EYS: variants seen among roughly 807,000 people sequenced by gnomAD.
EYS encodes the protein EGF-like photoreceptor maintenance factor.
A neutral mutation model predicts 282.1 loss-of-function variants in EYS; 250 were observed. That is an observed-to-expected ratio of 0.89 (90% CI 0.80 to 0.98). The LOEUF (loss-of-function observed/expected upper bound fraction) is 0.98. Ranked by LOEUF, EYS falls within the 50% of genes least tolerant of loss-of-function variation. EYS has a pLI of 0.00. For missense variants in EYS, 4,016 were observed against 3,709.0 expected, an observed-to-expected ratio of 1.08 and a Z score of -2.15; for synonymous variants, 1,355 against 1,282.9, an observed-to-expected ratio of 1.06 and a Z score of -1.20.
intron 24 of EYS, among the ~76,000 whole-genome samples, chr6:64,599,464 C>T (rs1486991554): frequency 6.6e-6 from 1 of 151,830 alleles, no homozygotes; most frequent in African/African-American, 2.4e-5. Flanking sequence ...GTATTCCTAT[C>T]AATAAAATAG....
chr6:64,609,641 T>G (rs1056165917), intron 24 of EYS, among the ~76,000 whole-genome samples: 3 of 152,140 alleles, frequency 2.0e-5, no homozygotes, highest in African/African-American at 7.2e-5. Flanking sequence ...CCCAGCATTT[T>G]GGGAGGCTGA....
intron 41 of EYS, chr6:63,744,954 C>T (rs753160284): frequency 2.4e-5 from 10 of 423,262 alleles, no homozygotes; most frequent in Non-Finnish European, 4.2e-5. Flanking sequence ...ACCTCATCTC[C>T]ATCATGAAAA....
At chr6:65,503,852 T>G (rs552199648) in intron 2 of EYS, among the ~76,000 whole-genome samples, 1 of 151,840 alleles carries the variant, frequency 6.6e-6, no homozygotes, top group South Asian at 2.1e-4. Flanking sequence ...CTACCTTGAT[T>G]ATTGTTGCTT....
chr6:64,346,065 A>C (rs988687818), intron 29 of EYS, among the ~76,000 whole-genome samples: 8 of 152,046 alleles, frequency 5.3e-5, no homozygotes, highest in Non-Finnish European at 1.5e-5. Flanking sequence ...GGTGCTGGAG[A>C]GGATGTGGAG....
At chr6:64,041,916 G>T (rs1219562169) in intron 33 of EYS, among the ~76,000 whole-genome samples, 1 of 152,026 alleles carries the variant, frequency 6.6e-6, no homozygotes, top group Non-Finnish European at 1.5e-5. Flanking sequence ...AGCATTTTAG[G>T]TTCTTTTCAC....
At chr6:65,149,475 T>C (rs1289133943) in intron 12 of EYS, among the ~76,000 whole-genome samples, 2 of 152,106 alleles carry the variant, frequency 1.3e-5, no homozygotes, top group African/African-American at 2.4e-5. Flanking sequence ...CCATTCAACA[T>C]GTCTCTAGGA....
chr6:64,108,527 T>TTTTTTTTA (rs1773105032), intron 31 of EYS, among the ~76,000 whole-genome samples: 1 of 137,016 alleles, frequency 7.3e-6, no homozygotes, highest in African/African-American at 2.9e-5. Context: ...TTTTTTTTTT[T>TTTTTTTTA]GAGAAGATAG....
At chr6:64,586,791 A>T (rs1766247742) in intron 26 of EYS, among the ~76,000 whole-genome samples, 1 of 152,100 alleles carries the variant, frequency 6.6e-6, no homozygotes, top group South Asian at 2.1e-4. Flanking sequence ...TAAAAGTGGA[A>T]TAAACATAAC....
chr6:63,754,676 G>C (rs1379515520), intron 41 of EYS, among the ~76,000 whole-genome samples: 1 of 152,130 alleles, frequency 6.6e-6, no homozygotes, highest in Non-Finnish European at 1.5e-5. Context: ...CTTTATAGTA[G>C]CATGATTTAT....
At chr6:65,095,498 C>G (rs1774713663) in intron 12 of EYS, among the ~76,000 whole-genome samples, 1 of 150,388 alleles carries the variant, frequency 6.6e-6, no homozygotes, top group Admixed American at 6.6e-5. Context: ...TGTGATTTAG[C>G]CATTCTACCA....
At chr6:64,238,189 G>A (rs1328007700) in intron 30 of EYS, among the ~76,000 whole-genome samples, 1 of 152,094 alleles carries the variant, frequency 6.6e-6, no homozygotes, top group African/African-American at 2.4e-5. Flanking sequence ...CTATTACACA[G>A]TCACAAATAG....
At chr6:64,429,613 G>A (rs889612220) in intron 28 of EYS, among the ~76,000 whole-genome samples, 17 of 152,076 alleles carry the variant, frequency 1.1e-4, no homozygotes, top group African/African-American at 4.1e-4. Context: ...CCTGGGTGAT[G>A]GAGCAGGATT....
chr6:63,888,512 C>A (rs757508000), intron 35 of EYS, among the ~76,000 whole-genome samples: 1 of 152,188 alleles, frequency 6.6e-6, no homozygotes, highest in Non-Finnish European at 1.5e-5. Flanking sequence ...CTGGAGTGGA[C>A]CCCCAGCAAA....
At chr6:64,689,265 G>T (rs1340528109) in intron 22 of EYS, among the ~76,000 whole-genome samples, 1 of 152,050 alleles carries the variant, frequency 6.6e-6, no homozygotes, top group Non-Finnish European at 1.5e-5. Flanking sequence ...AACTTGCAAG[G>T]GATGTGAAGG....
chr6:65,055,484 G>T (rs1366389360), intron 13 of EYS, among the ~76,000 whole-genome samples: 1 of 151,966 alleles, frequency 6.6e-6, no homozygotes, highest in Non-Finnish European at 1.5e-5. Flanking sequence ...CAATATTGAT[G>T]TTATTAACTA....
chr6:64,923,420 T>C (rs11965905), intron 15 of EYS, among the ~76,000 whole-genome samples: 1 of 152,180 alleles, frequency 6.6e-6, no homozygotes, highest in African/African-American at 2.4e-5. Flanking sequence ...ACAATTCAAG[T>C]TGAGATTTGG....
intron 31 of EYS, among the ~76,000 whole-genome samples, chr6:64,198,502 G>A (rs997544084): frequency 6.6e-6 from 1 of 151,650 alleles, no homozygotes; most frequent in Non-Finnish European, 1.5e-5. Flanking sequence ...ACAGGCCCCT[G>A]GGTTTGATGT....
At chr6:65,120,919 ACTACATTTATATGTCTATTTTAAATAT>A (rs1257304345) in intron 12 of EYS, among the ~76,000 whole-genome samples, 28 of 152,166 alleles carry the variant, frequency 1.8e-4, no homozygotes, top group Non-Finnish European at 1.2e-4. Context: ...AAGAAACAAG[ACTACATTTATATGTCTATTTTAAATAT>A]CTGGTTTTCA....
At chr6:64,832,818 CAAT>C (rs1765265036) in intron 19 of EYS, among the ~76,000 whole-genome samples, 1 of 151,862 alleles carries the variant, frequency 6.6e-6, no homozygotes, top group Non-Finnish European at 1.5e-5. Context: ...ATCACATATA[CAAT>C]AATGATTTCT....
Sources: gnomAD v4.1 joint callset for allele counts (sites outside exome capture counted in the v4.1 genomes callset) on GRCh38, gnomAD v4.1.1 for gene constraint, MANE v1.5 for transcripts, NCBI Gene and HGNC (gene_info 2026-07-23, HGNC 2026-07-21) for gene names.